MCOLN3: variants seen among roughly 807,000 people sequenced by gnomAD.
The protein encoded by MCOLN3 is mucolipin-3.
Under a neutral mutation model 69.4 loss-of-function variants are expected in MCOLN3, and 62 were observed. The observed-to-expected ratio is 0.89, with a 90% CI of 0.73 to 1.10. MCOLN3 has a LOEUF of 1.10. MCOLN3 is among the 50% of genes least tolerant of loss of function. The pLI is 0.00. For missense variants in MCOLN3, 564 were observed against 656.4 expected (o/e 0.86, Z 1.54); for synonymous variants, 183 against 217.0 (o/e 0.84, Z 1.38).
At chr1:85,031,600 G>A (rs1364937332) in intron 6 of MCOLN3, among the ~76,000 whole-genome samples, 1 of 152,154 alleles carries the variant, frequency 6.6e-6, no homozygotes, top group Non-Finnish European at 1.5e-5. Context: ...AAAGCTGAAA[G>A]TGCAGACCTG....
rs752781847 is a variant in MCOLN3, at chr1:85,026,079, T to C, written c.955A>G (p.Asn319Asp). ...RGLQLQQEFV[N>D]FFLLHYKKEV... Reference sequence around the variant, plus strand: ...TTCTTATAATGGAGGAGGAAAAAATTGACAAACTCCTTTAGGGAAAAGAGG... The same window carrying C: ...TTCTTATAATGGAGGAGGAAAAAATCGACAAACTCCTTTAGGGAAAAGAGG... The change falls in exon 9 of 13, where the codon AAT (asparagine) becomes GAT (aspartate). Residue 319 changes from asparagine to aspartate, a missense_variant. By Grantham distance (23) the Asn-to-Asp change is conservative. Coordinates refer to ENST00000370589, the MANE Select transcript of MCOLN3 (RefSeq NM_018298.11). 1 of 1,602,118 alleles carries C rather than the reference T, an allele frequency of 6.2e-7. No homozygotes were observed. The highest frequency in any genetic ancestry group is 1.1e-5 in the South Asian group (1 of 89,190).
chr1:85,040,287 A>T (rs746180468), intron 3 of MCOLN3, among the ~76,000 whole-genome samples: 3 of 152,190 alleles, frequency 2.0e-5, no homozygotes, highest in Non-Finnish European at 2.9e-5. Flanking sequence ...GTCTCTAGAA[A>T]ATGAATAGCC....
At chr1:85,020,972 AT>A in intron 12 of MCOLN3, 97 bp downstream of exon 12, 1 of 840,038 alleles carries the variant, frequency 1.2e-6, no homozygotes, top group South Asian at 2.1e-5. Context: ...AGAAATTAAC[AT>A]TCCATCAACT....
rs761638823 is a variant in MCOLN3 at position 85,021,312 on chromosome 1, A to G, written c.1321-36T>C. 2.6e-6 allele frequency: 4 copies of G among 1,545,928 alleles called. No individual in the cohort carries two copies. In the African/African-American group the frequency reaches 4.1e-5, roughly 16 times the overall value. Reference sequence around the variant, plus strand: ...AAAAGAGAAAAGTTCACTTTATTCCATGTTCCTTCCCATTGGAGACCTTTG... The same window carrying G: ...AAAAGAGAAAAGTTCACTTTATTCCGTGTTCCTTCCCATTGGAGACCTTTG... On this transcript the variant is annotated intron_variant, in intron 11 of 12. Coordinates refer to ENST00000370589, the MANE Select transcript of MCOLN3 (RefSeq NM_018298.11).
intron 12 of MCOLN3, among the ~76,000 whole-genome samples, chr1:85,019,685 G>T (rs577026713): frequency 6.6e-6 from 1 of 152,192 alleles, no homozygotes; most frequent in African/African-American, 2.4e-5. Context: ...AATTAACAAG[G>T]TTTTCTAGTA....
chr1:85,018,121 T>C lies in MCOLN3; in HGVS notation c.*1002A>G, dbSNP rs1651751810. ...GCTTTAATTTCATGCATGTATAAGATACTCTTTTTACTTTCTACTTTAACA... is the reference window on the plus strand; with the variant it reads ...GCTTTAATTTCATGCATGTATAAGACACTCTTTTTACTTTCTACTTTAACA... On this transcript the variant is annotated 3_prime_UTR_variant, in exon 13 of 13. Transcript: ENST00000370589. 6.6e-6 allele frequency: 1 copy of C among 152,232 alleles called. No individual in the cohort carries two copies. The highest frequency in any genetic ancestry group is 2.4e-5 in the African/African-American group (1 of 41,468). The allele number at this position is 152,232 out of a possible 1,614,324, so 9.4% of individuals were successfully genotyped here.
At chr1:85,033,987 C>T in intron 4 of MCOLN3, 111 bp downstream of exon 4, 1 of 1,155,898 alleles carries the variant, frequency 8.7e-7, no homozygotes, top group Non-Finnish European at 1.2e-6. Flanking sequence ...ATCATTCTTA[C>T]TATGTCCTAA....
chr1:85,037,318 T>C (rs1316091183), intron 3 of MCOLN3, among the ~76,000 whole-genome samples: 1 of 152,108 alleles, frequency 6.6e-6, no homozygotes, highest in African/African-American at 2.4e-5. Context: ...GAACATATGA[T>C]GTGTAATGGG....
At chr1:85,039,435 A>G (rs1246792735) in intron 3 of MCOLN3, among the ~76,000 whole-genome samples, 9 of 152,196 alleles carry the variant, frequency 5.9e-5, no homozygotes, top group Non-Finnish European at 1.5e-5. Context: ...AGCCATTACC[A>G]GTGGTAAGGT....
At position 85,019,060 on chromosome 1, in the gene MCOLN3, T is replaced by C. The variant is rs904980492; in HGVS notation, c.*63A>G. On this transcript the variant is annotated 3_prime_UTR_variant, in exon 13 of 13. Coordinates refer to ENST00000370589, the MANE Select transcript of MCOLN3 (RefSeq NM_018298.11). ...ACATACTACATCTGATCTCAGAATA[T>C]CCACAGTGTTCCAACTCAGCTACAC... 2 of 1,500,752 alleles carry C rather than the reference T, an allele frequency of 1.3e-6. No homozygotes were observed. The highest frequency in any genetic ancestry group is 1.8e-6 in the Non-Finnish European group (2 of 1,092,024). The allele number at this position is 1,500,752 out of a possible 1,614,324, so 93.0% of individuals were successfully genotyped here.
intron 4 of MCOLN3, 24 bp downstream of exon 4, chr1:85,034,074 T>C (rs756156027): frequency 1.1e-5 from 17 of 1,612,674 alleles, no homozygotes; most frequent in South Asian, 4.4e-5. Context: ...AAAATTGAGG[T>C]TCTAGGTTAT....
intron 12 of MCOLN3, 79 bp from the exon 13 acceptor site, chr1:85,019,336 T>A (rs779248603): frequency 1.1e-4 from 162 of 1,429,606 alleles, no homozygotes; most frequent in Non-Finnish European, 1.5e-4. Context: ...AATGGATCAT[T>A]TGGCAAGGGA....
At position 85,021,196 on chromosome 1, in the gene MCOLN3, C is replaced by T; in HGVS notation, c.1401G>A (p.Met467Ile). The T allele has an allele frequency of 6.2e-7, 1 of 1,613,872 alleles. No individual in the cohort carries two copies. The highest frequency in any genetic ancestry group is 8.5e-7 in the Non-Finnish European group (1 of 1,179,880). Residue 467 changes from methionine to isoleucine, a missense_variant, in exon 12 of 13, where the codon ATG becomes ATA. Transcript: ENST00000370589. ...GDDMFATFAK[M>I]QQKSYLVWLF... ...GCCAGACTAAGTAACTTTTTTGCTG[C>T]ATTTTTGCAAACGTGGCAAACATAT...
At chr1:85,027,820 T>C (rs762224757) in intron 7 of MCOLN3, among the ~76,000 whole-genome samples, 2 of 152,168 alleles carry the variant, frequency 1.3e-5, no homozygotes, top group Non-Finnish European at 2.9e-5. Context: ...CTGGCCACCA[T>C]GCGTGGAGCC....
chr1:85,021,353 T>C (rs554964982), intron 11 of MCOLN3, 77 bp from the exon 12 acceptor site: 1 of 1,232,766 alleles, frequency 8.1e-7, no homozygotes, highest in Non-Finnish European at 1.1e-6. Flanking sequence ...GACATTGTAT[T>C]AAACATAAAG....
Position 85,018,891 on chromosome 1 carries a change from A to C in MCOLN3, c.*232T>G, listed in dbSNP as rs1651789520. 1 of 438,906 alleles carries C rather than the reference A, an allele frequency of 2.3e-6. No homozygotes were observed. The highest frequency in any genetic ancestry group is 4.0e-6 in the Non-Finnish European group (1 of 249,864). The allele number at this position is 438,906 out of a possible 1,614,324, so 27.2% of individuals were successfully genotyped here. ...CATGGCAAAATAAACAAGAAATAAT[A>C]ATAATCCAATAGCTTTCCTCATTAA... is the stretch of plus-strand genomic sequence containing the variant. On this transcript the variant is annotated 3_prime_UTR_variant, in exon 13 of 13. Transcript: ENST00000370589.
chr1:85,031,109 A>G (rs144710233), intron 6 of MCOLN3, among the ~76,000 whole-genome samples: 2,377 of 152,158 alleles, frequency 0.016, 61 homozygotes, highest in African/African-American at 0.055. Flanking sequence ...CATCTCTACT[A>G]AAAATACAAA....
intron 2 of MCOLN3, among the ~76,000 whole-genome samples, chr1:85,041,944 C>CCT (rs150967896): frequency 4.1e-5 from 6 of 145,180 alleles, no homozygotes; most frequent in Non-Finnish European, 9.1e-5. Context: ...CTCATCCAAA[C>CCT]CTCTCTCTCT....
intron 1 of MCOLN3, among the ~76,000 whole-genome samples, chr1:85,047,931 G>A (rs1300625521): frequency 6.6e-6 from 1 of 152,168 alleles, no homozygotes; most frequent in African/African-American, 2.4e-5. Context: ...ACCCGGGCCT[G>A]AGCCCCCACT....
Sources: gnomAD v4.1 joint callset for allele counts (sites outside exome capture counted in the v4.1 genomes callset) on GRCh38, gnomAD v4.1.1 for gene constraint, MANE v1.5 for transcripts, NCBI Gene and HGNC (gene_info 2026-07-23, HGNC 2026-07-21) for gene names.